Variants in CPAP observed in about 807,000 individuals in gnomAD.
CPAP encodes centrosomal P4.1-associated protein.
At chr13:24,911,061 C>T in the CPAP span, among the ~76,000 whole-genome samples, 1 of 152,184 alleles carries the variant, frequency 6.6e-6, no homozygotes, top group African/African-American at 2.4e-5. Flanking sequence ...GAAGCAAACA[C>T]ATGGCTCCAA....
At chr13:24,888,894 G>A in the CPAP span, among the ~76,000 whole-genome samples, 2 of 152,096 alleles carry the variant, frequency 1.3e-5, no homozygotes, top group Admixed American at 1.3e-4. Flanking sequence ...CAGGGTGAGT[G>A]TCCCTTATCA....
At chr13:24,883,937 T>C in the CPAP span, 5 of 1,614,076 alleles carry the variant, frequency 3.1e-6, no homozygotes, top group Middle Eastern at 3.3e-4. Context: ...CTGAGTGGTT[T>C]TTCTGTGAAC....
At chr13:24,894,579 T>C in the CPAP span, among the ~76,000 whole-genome samples, 2 of 152,188 alleles carry the variant, frequency 1.3e-5, no homozygotes, top group Admixed American at 6.5e-5. Context: ...ACAGTGAATA[T>C]GGGCAAGGCT....
chr13:24,883,236 A>T, the CPAP span: 1 of 1,613,986 alleles, frequency 6.2e-7, no homozygotes, highest in South Asian at 1.1e-5. Context: ...ATCCGACCGG[A>T]TCTGTACTTC....
the CPAP span, chr13:24,906,569 T>C: frequency 6.2e-7 from 1 of 1,614,248 alleles, no homozygotes; most frequent in East Asian, 2.2e-5. Context: ...GTTTTCAAAT[T>C]TGATCTGGTC....
At chr13:24,889,033 C>G in the CPAP span, 3 of 415,696 alleles carry the variant, frequency 7.2e-6, no homozygotes, top group South Asian at 7.9e-5. Context: ...CTTTGAGCAT[C>G]ATGCTTGCCC....
At chr13:24,931,509 G>A in the CPAP span, among the ~76,000 whole-genome samples, 2 of 151,916 alleles carry the variant, frequency 1.3e-5, no homozygotes, top group Admixed American at 1.3e-4. Context: ...AAATTGTGGA[G>A]TCAGGATTCA....
the CPAP span, chr13:24,910,178 CCA>C: frequency 9.0e-7 from 1 of 1,115,226 alleles, no homozygotes; most frequent in East Asian, 2.3e-5. Context: ...AAAGACTTCT[CCA>C]CAGTGACAAC....
chr13:24,889,317 T>C, the CPAP span: 1 of 1,602,090 alleles, frequency 6.2e-7, no homozygotes, highest in Non-Finnish European at 8.6e-7. Context: ...GCCTCTTACC[T>C]TGCATTGGAA....
the CPAP span, chr13:24,885,519 G>T: frequency 8.2e-7 from 1 of 1,215,030 alleles, no homozygotes; most frequent in Non-Finnish European, 1.2e-6. Context: ...TTTTTTACAC[G>T]TGGTTTAGAA....
At chr13:24,931,302 G>GTT in the CPAP span, among the ~76,000 whole-genome samples, 5 of 9,070 alleles carry the variant, frequency 5.5e-4, no homozygotes, top group Non-Finnish European at 1.0e-3. Flanking sequence ...ATTTTTTCAT[G>GTT]TTTCTTTTTT....
the CPAP span, among the ~76,000 whole-genome samples, chr13:24,920,585 A>G: frequency 6.6e-6 from 1 of 152,036 alleles, no homozygotes; most frequent in African/African-American, 2.4e-5. Context: ...ACAAAAATAA[A>G]TAATGATGTG....
chr13:24,886,600 C>T, the CPAP span, among the ~76,000 whole-genome samples: 1 of 152,104 alleles, frequency 6.6e-6, no homozygotes, highest in African/African-American at 2.4e-5. Context: ...AGCAAAGGGG[C>T]AGATGGCAGA....
At chr13:24,901,869 G>T in the CPAP span, among the ~76,000 whole-genome samples, 1 of 152,184 alleles carries the variant, frequency 6.6e-6, no homozygotes, top group African/African-American at 2.4e-5. Context: ...GTGCGTGCCT[G>T]TAGTCCCCGC....
chr13:24,893,035 G>C, the CPAP span, among the ~76,000 whole-genome samples: 1 of 152,170 alleles, frequency 6.6e-6, no homozygotes, highest in Admixed American at 6.5e-5. Context: ...GGCGGGAGGA[G>C]GGGATCAGAG....
the CPAP span, chr13:24,905,370 T>G: frequency 1.2e-6 from 2 of 1,614,040 alleles, no homozygotes; most frequent in African/African-American, 2.7e-5. Context: ...TGACTTATGT[T>G]TAACTTGAGT....
chr13:24,884,229 G>A, the CPAP span: 1 of 1,614,160 alleles, frequency 6.2e-7, no homozygotes, highest in Non-Finnish European at 8.5e-7. Context: ...GGTCTGGGCA[G>A]CTGCATAGTA....
the CPAP span, among the ~76,000 whole-genome samples, chr13:24,929,150 A>G: frequency 5.3e-3 from 809 of 152,258 alleles, 21 homozygotes; most frequent in East Asian, 0.081. Flanking sequence ...TGTAGCCTCA[A>G]CCTCCAGGGC....
At chr13:24,897,149 G>A in the CPAP span, among the ~76,000 whole-genome samples, 1 of 152,202 alleles carries the variant, frequency 6.6e-6, no homozygotes, top group African/African-American at 2.4e-5. Context: ...AGCTGAGGCA[G>A]GAGAATCGCT....
Sources: gnomAD v4.1 joint callset for allele counts (sites outside exome capture counted in the v4.1 genomes callset) on GRCh38, gnomAD v4.1.1 for gene constraint, MANE v1.5 for transcripts, NCBI Gene and HGNC (gene_info 2026-07-23, HGNC 2026-07-21) for gene names.